SORT1: variants seen among roughly 807,000 people sequenced by gnomAD.
SORT1 encodes the protein sortilin.
Under a neutral mutation model 101.7 loss-of-function variants are expected in SORT1, and 39 were observed. The ratio of observed to expected loss-of-function variants is 0.38; its 90% CI spans 0.30 to 0.50. SORT1 has a LOEUF of 0.50. Ranked by LOEUF, SORT1 falls within the 20% of genes least tolerant of loss-of-function variation. The probability of loss-of-function intolerance (pLI) is 0.90; values close to 1 mark genes in which losing one functional copy is unlikely to be tolerated. For synonymous variants in SORT1, 396 were observed against 393.7 expected (o/e 1.01, Z -0.07); for missense variants, 878 against 1,040.4 (o/e 0.84, Z 2.15).
chr1:109,378,570 T>C (rs935100293), intron 1 of SORT1, among the ~76,000 whole-genome samples: 2 of 150,722 alleles, frequency 1.3e-5, no homozygotes, highest in East Asian at 2.0e-4. Context: ...ATAATCCCTA[T>C]AGGAAGGGAA....
chr1:109,377,288 G>C (rs187110281), intron 1 of SORT1, among the ~76,000 whole-genome samples: 67 of 152,214 alleles, frequency 4.4e-4, no homozygotes, highest in African/African-American at 1.6e-3. Context: ...CTAGCACAAG[G>C]TCTTATATTT....
At chr1:109,314,548 G>A (rs1434744052) in intron 18 of SORT1, 124 bp downstream of exon 18, 8 of 1,137,838 alleles carry the variant, frequency 7.0e-6, no homozygotes, top group Non-Finnish European at 8.8e-6. Context: ...GAAGATTTGG[G>A]CCTGATTTTT....
rs1211636566 is a variant in SORT1 at position 109,326,468 on chromosome 1, T to TATAC, written c.1643+523_1643+524insGTAT. 1.3e-3 allele frequency among the ~76,000 whole-genome samples: 84 copies of TATAC among 62,716 alleles called. 1 individual carries two copies. The highest frequency in any genetic ancestry group is 4.4e-3 in the African/African-American group (67 of 15,330). 41.1% of individuals were successfully genotyped at this position (62,716 alleles called of 152,430 possible). Reference sequence around the variant, plus strand: ...ATATATATATATATATATATATACATACACACACACACACACATATATATA... The same window carrying TATAC: ...ATATATATATATATATATATATACATATACACACACACACACACACATATATATA... On this transcript the variant is annotated intron_variant, in intron 13 of 19. Transcript: ENST00000256637.
intron 7 of SORT1, among the ~76,000 whole-genome samples, chr1:109,346,606 G>A (rs749717609): frequency 2.0e-5 from 3 of 151,850 alleles, no homozygotes; most frequent in African/African-American, 4.8e-5. Flanking sequence ...TTAGCCGGGC[G>A]TGGTGACAGG....
At chr1:109,327,381 C>T in intron 12 of SORT1, 118 bp downstream of exon 12, 2 of 733,736 alleles carry the variant, frequency 2.7e-6, no homozygotes, top group South Asian at 4.1e-5. Context: ...GAAATTCTAC[C>T]AAAGGAATGT....
chr1:109,368,159 T>C (rs879382510), intron 2 of SORT1, among the ~76,000 whole-genome samples: 11 of 151,946 alleles, frequency 7.2e-5, no homozygotes, highest in Admixed American at 5.9e-4. Flanking sequence ...CCGGGCGTGG[T>C]GGTGCTTGCC....
At chr1:109,378,589 A>C (rs1652002275) in intron 1 of SORT1, among the ~76,000 whole-genome samples, 1 of 150,498 alleles carries the variant, frequency 6.6e-6, no homozygotes, top group African/African-American at 2.4e-5. Flanking sequence ...AAAACCCAAA[A>C]CCTCTGACAC....
intron 1 of SORT1, among the ~76,000 whole-genome samples, chr1:109,394,404 G>A (rs1277105106): frequency 6.6e-6 from 1 of 151,994 alleles, no homozygotes; most frequent in African/African-American, 2.4e-5. Context: ...TAAATTAATA[G>A]ATTGAAAAGA....
chr1:109,341,976 T>G, intron 9 of SORT1, 38 bp downstream of exon 9: 1 of 1,594,062 alleles, frequency 6.3e-7, no homozygotes, highest in Non-Finnish European at 8.6e-7. Flanking sequence ...AGCTTACATC[T>G]CTATGCTTTT....
intron 1 of SORT1, among the ~76,000 whole-genome samples, chr1:109,377,044 C>T (rs1176030841): frequency 6.6e-6 from 1 of 152,182 alleles, no homozygotes; most frequent in Non-Finnish European, 1.5e-5. Flanking sequence ...ACTGTAAAAC[C>T]AACCATTCTG....
intron 8 of SORT1, 135 bp from the exon 9 acceptor site, chr1:109,342,293 T>C (rs1371081560): frequency 2.8e-5 from 19 of 687,206 alleles, no homozygotes; most frequent in Non-Finnish European, 3.9e-5. Flanking sequence ...TGAAAGGTCA[T>C]AGTACCAATT....
At position 109,311,069 on chromosome 1, in the gene SORT1, G is replaced by T. The variant is rs998711121; in HGVS notation, c.*2974C>A. 23 of 152,272 alleles carry T rather than the reference G, an allele frequency of 1.5e-4. No individual in the cohort carries two copies. Among genetic ancestry groups the T allele is most frequent in the African/African-American group, 4.1e-4 (17 of 41,544 alleles). 9.4% of individuals were successfully genotyped at this position (152,272 alleles called of 1,614,324 possible). A position where few individuals can be genotyped will look rare whatever the true frequency, so the allele number is the denominator to read the frequency against. On this transcript the variant is annotated 3_prime_UTR_variant, in exon 20 of 20. Transcript: ENST00000256637. ...TCCTGAGCCCGCCCCCAGAACTGCC[G>T]CAACTCTCCAAAGGCTTTTATTCTT...
intron 11 of SORT1, among the ~76,000 whole-genome samples, chr1:109,331,791 T>C (rs1229661554): frequency 6.6e-6 from 1 of 151,838 alleles, no homozygotes; most frequent in Non-Finnish European, 1.5e-5. Context: ...TCCTTAATCT[T>C]TAAAGACTCC....
At chr1:109,358,578 G>A (rs138808770) in intron 3 of SORT1, among the ~76,000 whole-genome samples, 36 of 152,108 alleles carry the variant, frequency 2.4e-4, no homozygotes, top group African/African-American at 7.0e-4. Context: ...CTTTTTGGCC[G>A]GGCGTGGTGG....
intron 13 of SORT1, 173 bp downstream of exon 13, chr1:109,326,819 T>C (rs548093865): frequency 9.4e-5 from 46 of 488,726 alleles, no homozygotes; most frequent in African/African-American, 7.3e-4. Context: ...GAAAAAACAA[T>C]GCCATTTAAT....
intron 1 of SORT1, among the ~76,000 whole-genome samples, chr1:109,376,195 C>G (rs1002069053): frequency 6.6e-6 from 1 of 151,570 alleles, no homozygotes; most frequent in Non-Finnish European, 1.5e-5. Context: ...CCGGGCGTGG[C>G]GGCGGGCGCC....
chr1:109,359,199 C>CA (rs1650547621), intron 3 of SORT1, among the ~76,000 whole-genome samples: 1 of 151,956 alleles, frequency 6.6e-6, no homozygotes, highest in African/African-American at 2.4e-5. Flanking sequence ...ACCCTCTTGT[C>CA]ACTGTAACCG....
At chr1:109,393,313 G>C in intron 1 of SORT1, 3 of 985,162 alleles carry the variant, frequency 3.0e-6, no homozygotes, top group Non-Finnish European at 3.6e-6. Context: ...GCAGAGGGAG[G>C]ACAGAAAATA....
chr1:109,357,592 C>T (rs1190255252), intron 3 of SORT1, among the ~76,000 whole-genome samples: 1 of 152,186 alleles, frequency 6.6e-6, no homozygotes, highest in African/African-American at 2.4e-5. Context: ...TTTTCCCTTA[C>T]AAACTGGGGT....
Sources: allele counts gnomAD v4.1 joint callset (sites outside exome capture counted in the v4.1 genomes callset), GRCh38; gene constraint gnomAD v4.1.1; transcripts MANE v1.5; gene names NCBI Gene and HGNC (gene_info 2026-07-23, HGNC 2026-07-21).